Variants in FAM227B observed in about 807,000 individuals in gnomAD.
FAM227B encodes family with sequence similarity 227 member B.
FAM227B carries 88 observed loss-of-function variants against 73.8 expected under a neutral mutation model. The observed-to-expected ratio is 1.19, with a 90% CI of 1.00 to 1.42. FAM227B has a LOEUF of 1.42. Among genes scored for constraint, FAM227B ranks in the 40% most tolerant of loss-of-function variants. The pLI is 0.00. For missense variants in FAM227B, 632 were observed against 590.9 expected, an observed-to-expected ratio of 1.07 and a Z score of -0.72; for synonymous variants, 210 against 190.5, an observed-to-expected ratio of 1.10 and a Z score of -0.84.
At chr15:49,535,565 TAGTG>T (rs1555527019) in intron 10 of FAM227B, among the ~76,000 whole-genome samples, 3 of 151,766 alleles carry the variant, frequency 2.0e-5, no homozygotes. Flanking sequence ...CAAACACACT[TAGTG>T]AGATCAGCAT....
chr15:49,426,777 G>C (rs1368969502), intron 11 of FAM227B, among the ~76,000 whole-genome samples: 1 of 151,752 alleles, frequency 6.6e-6, no homozygotes, highest in African/African-American at 2.4e-5. Flanking sequence ...CACAATACCA[G>C]TGTACTAAAA....
chr15:49,518,074 T>G (rs986883588), intron 10 of FAM227B, among the ~76,000 whole-genome samples: 2 of 152,198 alleles, frequency 1.3e-5, no homozygotes, highest in Non-Finnish European at 2.9e-5. Context: ...TTGATGATTA[T>G]AGACAGGCCT....
intron 3 of FAM227B, among the ~76,000 whole-genome samples, chr15:49,592,793 G>C (rs1389262152): frequency 2.6e-5 from 4 of 152,232 alleles, no homozygotes; most frequent in Non-Finnish European, 5.9e-5. Flanking sequence ...CCTGCCCACA[G>C]AGGTGGAGTA....
chr15:49,575,570 G>T (rs2075391998), intron 7 of FAM227B, among the ~76,000 whole-genome samples: 1 of 151,746 alleles, frequency 6.6e-6, no homozygotes, highest in African/African-American at 2.4e-5. Flanking sequence ...ATAGTTTTTA[G>T]ATTTATATAT....
At chr15:49,468,149 T>C (rs34492504) in intron 11 of FAM227B, among the ~76,000 whole-genome samples, 16,271 of 152,154 alleles carry the variant, frequency 0.11, 1,235 homozygotes, top group East Asian at 0.36. Flanking sequence ...ATGACATAAT[T>C]ATTTTTGGTT....
chr15:49,452,356 A>G (rs1293340157), intron 11 of FAM227B, among the ~76,000 whole-genome samples: 1 of 152,086 alleles, frequency 6.6e-6, no homozygotes, highest in African/African-American at 2.4e-5. Context: ...CCCGGCCCCA[A>G]CCAGAATTTT....
At chr15:49,466,205 C>A (rs2054252204) in intron 11 of FAM227B, among the ~76,000 whole-genome samples, 1 of 152,152 alleles carries the variant, frequency 6.6e-6, no homozygotes, top group Non-Finnish European at 1.5e-5. Flanking sequence ...CACCTCAGAC[C>A]TGTTGGATCA....
intron 10 of FAM227B, among the ~76,000 whole-genome samples, chr15:49,519,171 C>T (rs2059600881): frequency 6.6e-6 from 1 of 152,248 alleles, no homozygotes; most frequent in Admixed American, 6.5e-5. Context: ...AAGAGATGGG[C>T]TCCCATGGCC....
At chr15:49,343,245 G>A (rs1178588627) in intron 13 of FAM227B, among the ~76,000 whole-genome samples, 3 of 151,412 alleles carry the variant, frequency 2.0e-5, no homozygotes, top group African/African-American at 7.3e-5. Context: ...TTAATTTTTT[G>A]TCAGACTTGG....
intron 11 of FAM227B, among the ~76,000 whole-genome samples, chr15:49,408,104 T>C (rs747383975): frequency 7.4e-4 from 113 of 152,230 alleles, no homozygotes; most frequent in Non-Finnish European, 1.0e-3. Flanking sequence ...TTTGCCACAG[T>C]AATTATTTCA....
intron 11 of FAM227B, among the ~76,000 whole-genome samples, chr15:49,502,243 G>A (rs747214415): frequency 3.9e-5 from 6 of 152,230 alleles, no homozygotes; most frequent in Non-Finnish European, 7.3e-5. Flanking sequence ...CTGCCCTCCA[G>A]ACCCGAGAAC....
At chr15:49,565,331 G>C (rs906419) in intron 9 of FAM227B, among the ~76,000 whole-genome samples, 1 of 148,322 alleles carries the variant, frequency 6.7e-6, no homozygotes, top group African/African-American at 2.5e-5. Context: ...GCAGTGAGCC[G>C]TGATTGCGCC....
At chr15:49,389,825 T>C (rs1332687965) in intron 11 of FAM227B, among the ~76,000 whole-genome samples, 2 of 152,010 alleles carry the variant, frequency 1.3e-5, no homozygotes, top group African/African-American at 2.4e-5. Context: ...TAAAGAGCTA[T>C]GTATCAGAAC....
At chr15:49,409,824 C>T (rs1310606932) in intron 11 of FAM227B, among the ~76,000 whole-genome samples, 2 of 152,012 alleles carry the variant, frequency 1.3e-5, no homozygotes, top group African/African-American at 4.8e-5. Flanking sequence ...AATATGACTG[C>T]ATTATTTAAC....
At chr15:49,349,556 T>C (rs550600367) in intron 13 of FAM227B, among the ~76,000 whole-genome samples, 13 of 152,330 alleles carry the variant, frequency 8.5e-5, no homozygotes, top group South Asian at 6.2e-4. Context: ...AAATCTGAAA[T>C]TGGTTCCTTT....
chr15:49,354,212 C>T (rs535582799), intron 13 of FAM227B, among the ~76,000 whole-genome samples: 1 of 152,286 alleles, frequency 6.6e-6, no homozygotes, highest in Non-Finnish European at 1.5e-5. Flanking sequence ...ACACTATTTA[C>T]ATGTTTAAAA....
chr15:49,578,608 A>G (rs771662776), intron 5 of FAM227B, among the ~76,000 whole-genome samples: 1 of 152,154 alleles, frequency 6.6e-6, no homozygotes, highest in Non-Finnish European at 1.5e-5. Flanking sequence ...ATTAGAAAGA[A>G]GATGACATAT....
chr15:49,497,721 C>A (rs1485628306), intron 11 of FAM227B, among the ~76,000 whole-genome samples: 1 of 152,220 alleles, frequency 6.6e-6, no homozygotes, highest in Non-Finnish European at 1.5e-5. Flanking sequence ...GTGATCTTTA[C>A]CTCTTTGAAA....
intron 11 of FAM227B, chr15:49,486,633 A>G (rs2056421732): frequency 6.6e-6 from 1 of 152,026 alleles, no homozygotes; most frequent in African/African-American, 2.4e-5. Context: ...AATACAAGCT[A>G]TGTTAGGACC....
Sources: allele counts gnomAD v4.1 joint callset (sites outside exome capture counted in the v4.1 genomes callset), GRCh38; gene constraint gnomAD v4.1.1; transcripts MANE v1.5; gene names NCBI Gene and HGNC (gene_info 2026-07-23, HGNC 2026-07-21).